Variants in ANKRD24 observed in about 807,000 individuals in gnomAD.
ANKRD24 encodes ankyrin repeat domain 24.
A neutral mutation model predicts 127.8 loss-of-function variants in ANKRD24; 109 were observed. That is an observed-to-expected ratio of 0.85 (90% confidence interval 0.73 to 1.00). The LOEUF is 1.00. Ranked by LOEUF, ANKRD24 falls within the 50% of genes least tolerant of loss-of-function variation. ANKRD24 has a pLI of 0.00. For synonymous variants in ANKRD24, 743 were observed against 671.1 expected, an observed-to-expected ratio of 1.11 and a Z score of -1.66; for missense variants, 1,648 against 1,570.2, an observed-to-expected ratio of 1.05 and a Z score of -0.84.
At chr19:4,188,358 T>C (rs1428816950) in intron 2 of ANKRD24, among the ~76,000 whole-genome samples, 1 of 145,984 alleles carries the variant, frequency 6.9e-6, no homozygotes, top group Non-Finnish European at 1.5e-5. Flanking sequence ...ATTACAGGCA[T>C]GAGCCACCAC....
chr19:4,209,393 C>T (rs1969572143), intron 11 of ANKRD24, among the ~76,000 whole-genome samples: 1 of 151,660 alleles, frequency 6.6e-6, no homozygotes, highest in African/African-American at 2.4e-5. Flanking sequence ...CAGGCATGAG[C>T]CACTGAGCGC....
intron 20 of ANKRD24, 72 bp from the exon 21 acceptor site, chr19:4,224,055 T>G (rs1599479163): frequency 7.1e-6 from 9 of 1,261,190 alleles, no homozygotes; most frequent in East Asian, 2.4e-5. Flanking sequence ...GTGCAAAGGG[T>G]GCTTTTTGGT....
intron 7 of ANKRD24, 130 bp downstream of exon 7, chr19:4,203,056 T>C (rs563053916): frequency 3.4e-5 from 27 of 798,228 alleles, no homozygotes; most frequent in East Asian, 2.7e-4. Context: ...TTCTTTCTTT[T>C]TTTTTTTTTG....
At chr19:4,209,255 C>T (rs1021804608) in intron 11 of ANKRD24, among the ~76,000 whole-genome samples, 1 of 151,894 alleles carries the variant, frequency 6.6e-6, no homozygotes, top group Admixed American at 6.6e-5. Flanking sequence ...GGATTACAGG[C>T]ACCCACCACA....
intron 5 of ANKRD24, among the ~76,000 whole-genome samples, chr19:4,201,262 T>C (rs1969081345): frequency 6.6e-6 from 1 of 152,044 alleles, no homozygotes; most frequent in Admixed American, 6.6e-5. Context: ...CAGTCAAATC[T>C]GAAGCTTTAG....
intron 2 of ANKRD24, among the ~76,000 whole-genome samples, chr19:4,192,807 C>T (rs1968458797): frequency 6.6e-6 from 1 of 151,442 alleles, no homozygotes; most frequent in African/African-American, 2.4e-5. Context: ...GTGGTGTGTG[C>T]CTGTGGTCTC....
At chr19:4,220,725 T>G (rs1970397575) in intron 19 of ANKRD24, among the ~76,000 whole-genome samples, 1 of 151,230 alleles carries the variant, frequency 6.6e-6, no homozygotes, top group East Asian at 2.0e-4. Flanking sequence ...CGGCTAATTT[T>G]TTTGTATTTT....
Position 4,224,556 on chromosome 19 carries a change from C to T in ANKRD24, c.*51C>T. 1 of 1,514,264 alleles carries T rather than the reference C, an allele frequency of 6.6e-7. No individual in the cohort carries two copies. The highest frequency in any genetic ancestry group is 9.0e-7 in the Non-Finnish European group (1 of 1,108,664). 93.8% of individuals were successfully genotyped at this position (1,514,264 alleles called of 1,614,324 possible). A position where few individuals can be genotyped will look rare whatever the true frequency, so the allele number is the denominator to read the frequency against. On this transcript the variant is annotated 3_prime_UTR_variant, in exon 22 of 22. Transcript: ENST00000318934. Reference sequence around the variant, plus strand: ...TGACCACACCCACGCAGGGACCTCACCCCCCTGCAGGCCCCTTGCAGACCG... The same window carrying T: ...TGACCACACCCACGCAGGGACCTCATCCCCCTGCAGGCCCCTTGCAGACCG...
In ANKRD24 at chr19:4,224,618, T is replaced by G; in HGVS notation, c.*113T>G. On this transcript the variant is annotated 3_prime_UTR_variant, in exon 22 of 22. Coordinates refer to ENST00000318934, the MANE Select transcript of ANKRD24 (RefSeq NM_001393985.1). The stretch of plus-strand genomic sequence containing the variant: ...CTTCACTTGGCCCTATCCAGGCCCA[T>G]GCACTTGGAGACCAGCCTGGTTCCC... 9.5e-7 allele frequency: 1 copy of G among 1,054,294 alleles called. No homozygotes were observed. Among genetic ancestry groups the G allele is most frequent in the South Asian group, 1.4e-5 (1 of 70,458 alleles). The allele number at this position is 1,054,294 out of a possible 1,614,324, so 65.3% of individuals were successfully genotyped here.
At chr19:4,205,197 C>G (rs1022350899) in intron 7 of ANKRD24, among the ~76,000 whole-genome samples, 4 of 152,044 alleles carry the variant, frequency 2.6e-5, no homozygotes, top group African/African-American at 7.2e-5. Context: ...GAGATCATGC[C>G]CCTGCACAGC....
At chr19:4,206,822 G>C (rs1200197262) in intron 7 of ANKRD24, among the ~76,000 whole-genome samples, 2 of 152,168 alleles carry the variant, frequency 1.3e-5, no homozygotes, top group African/African-American at 4.8e-5. Flanking sequence ...AAATAAAGGA[G>C]CAGGGTCACA....
In ANKRD24 at chr19:4,198,545, G is replaced by T; in HGVS notation, c.37-1138G>T. On this transcript the variant is annotated intron_variant, in intron 2 of 21. Transcript: ENST00000318934. The surrounding 1 kb of genome is among the most constrained non-coding windows in gnomAD (Gnocchi z 6.1). ...CGCCTCCTTCGCGGTAGGGCCCGGG[G>T]AGGGGGCGCAGGAGCGGGCGGGGCG... 1 of 568,942 alleles carries T rather than the reference G, an allele frequency of 1.8e-6. No homozygotes were observed. Among genetic ancestry groups the T allele is most frequent in the South Asian group, 2.0e-5 (1 of 50,406 alleles). The allele number at this position is 568,942 out of a possible 1,614,324, so 35.2% of individuals were successfully genotyped here.
chr19:4,193,297 CAAAA>C (rs71166975), intron 2 of ANKRD24, among the ~76,000 whole-genome samples: 6 of 90,734 alleles, frequency 6.6e-5, no homozygotes, highest in African/African-American at 9.2e-5. Context: ...GCGACTCCAT[CAAAA>C]AAAAAAAAAA....
chr19:4,210,482 C>A (rs1367178457), intron 13 of ANKRD24, 110 bp downstream of exon 13: 1 of 1,018,934 alleles, frequency 9.8e-7, no homozygotes, highest in Non-Finnish European at 1.4e-6. Flanking sequence ...CTCTCCCTCC[C>A]CACCCTGCTG....
In ANKRD24 at chr19:4,216,622, C is replaced by G. The variant is rs756399815; in HGVS notation, c.1462C>G (p.Leu488Val). The G allele has an allele frequency of 3.1e-6, 5 of 1,610,082 alleles. No homozygotes were observed. Among genetic ancestry groups the G allele is most frequent in the Non-Finnish European group, 3.4e-6 (4 of 1,178,318 alleles). The part of the protein sequence containing the change: ...EALAEVIPLA[L>V]YDSLRAEFDQ... Reference sequence around the variant, plus strand: ...TTTGGCAGAGGTCATCCCTCTTGCCCTCTATGACTCTCTCCGGGCCGAGTT... The same window carrying G: ...TTTGGCAGAGGTCATCCCTCTTGCCGTCTATGACTCTCTCCGGGCCGAGTT... The change falls in exon 18 of 22, where the codon CTC becomes GTC. Residue 488 changes from leucine (L) to valine (V), a missense_variant. Physicochemically the swap from Leu to Val is conservative, Grantham distance 32. Coordinates refer to ENST00000318934, the MANE Select transcript of ANKRD24 (RefSeq NM_001393985.1).
At position 4,219,546 on chromosome 19, in the gene ANKRD24, T is replaced by C. The variant is rs778756571; in HGVS notation, c.3004-45T>C. The C allele has an allele frequency of 2.6e-6, 4 of 1,554,634 alleles. No individual in the cohort carries two copies. The African/African-American group carries it at 4.1e-5, about 16-fold the overall frequency. ...TATGAATTCTGGGGTCTAGCATCAT[T>C]GGAGTCTTAGTGTCCTGAGAGTCAT... On this transcript the variant is annotated intron_variant, in intron 18 of 21. Coordinates refer to ENST00000318934, the MANE Select transcript of ANKRD24 (RefSeq NM_001393985.1).
At chr19:4,219,157 G>T (rs906980669) in intron 18 of ANKRD24, among the ~76,000 whole-genome samples, 1 of 152,048 alleles carries the variant, frequency 6.6e-6, no homozygotes, top group Non-Finnish European at 1.5e-5. Flanking sequence ...ATTGTGGCAC[G>T]TGCCTGTAAT....
chr19:4,200,235 C>T (rs373097214), intron 5 of ANKRD24, 64 bp downstream of exon 5: 1 of 1,463,808 alleles, frequency 6.8e-7, no homozygotes, highest in Non-Finnish European at 9.2e-7. Context: ...CCTGAGGGTC[C>T]AGCCAGACCC....
chr19:4,210,398 G>A (rs750524563), intron 13 of ANKRD24, 26 bp downstream of exon 13: 32 of 1,442,922 alleles, frequency 2.2e-5, no homozygotes, highest in Admixed American at 1.8e-4. Flanking sequence ...AGATTTGGGC[G>A]TGGGCCAGCC....
Sources: gnomAD v4.1 joint callset for allele counts (sites outside exome capture counted in the v4.1 genomes callset) on GRCh38, gnomAD v4.1.1 for gene constraint, Gnocchi (gnomAD v3.1) non-coding constraint, MANE v1.5 for transcripts, NCBI Gene and HGNC (gene_info 2026-07-23, HGNC 2026-07-21) for gene names.